The following POU2F1 variants were observed in gnomAD, a reference collection of about 807,000 sequenced individuals.
POU2F1 encodes POU domain, class 2, transcription factor 1.
A neutral mutation model predicts 84.9 loss-of-function variants in POU2F1; 16 were observed. The observed-to-expected ratio is 0.19, with a 90% CI of 0.13 to 0.29. The LOEUF (loss-of-function observed/expected upper bound fraction) is 0.29, where lower values mean the gene tolerates loss of function less well. Among genes scored for constraint, POU2F1 ranks in the 10% least tolerant of loss-of-function variants. The probability of loss-of-function intolerance (pLI) is 1.00; values close to 1 mark genes in which losing one functional copy is unlikely to be tolerated. For missense variants in POU2F1, 738 were observed against 942.6 expected (o/e 0.78, Z 2.84); for synonymous variants, 368 against 368.3 (o/e 1.00, Z 0.01).
chr1:167,412,328 C>G, intron 14 of POU2F1, 24 bp downstream of exon 14: 3 of 1,505,440 alleles, frequency 2.0e-6, no homozygotes, highest in Non-Finnish European at 2.7e-6. Flanking sequence ...TCATCTCATT[C>G]ACGTCTGAGG....
intron 5 of POU2F1, among the ~76,000 whole-genome samples, chr1:167,373,821 C>CT (rs796133825): frequency 5.6e-4 from 81 of 145,446 alleles, no homozygotes; most frequent in Middle Eastern, 3.5e-3. Context: ...AGTGGTGATT[C>CT]TTTTTTTTTT....
At chr1:167,318,593 A>G (rs1299061994) in intron 1 of POU2F1, among the ~76,000 whole-genome samples, 3 of 152,214 alleles carry the variant, frequency 2.0e-5, no homozygotes, top group Admixed American at 1.3e-4. Context: ...TTATTATGGT[A>G]AATACTGAGA....
At chr1:167,343,632 A>ATTTTT (rs869170039) in intron 2 of POU2F1, among the ~76,000 whole-genome samples, 10 of 69,396 alleles carry the variant, frequency 1.4e-4, no homozygotes, top group East Asian at 5.1e-4. Flanking sequence ...CCAGGGGTCA[A>ATTTTT]TTTTTTTTTT....
chr1:167,262,100 A>G (rs978100687), intron 1 of POU2F1, among the ~76,000 whole-genome samples: 14 of 152,198 alleles, frequency 9.2e-5, no homozygotes, highest in African/African-American at 3.4e-4. Context: ...TTTTATACTT[A>G]TTTTTAATCA....
chr1:167,379,863 T>G (rs1034162284), intron 7 of POU2F1: 3 of 152,232 alleles, frequency 2.0e-5, no homozygotes, highest in African/African-American at 7.2e-5. Flanking sequence ...AATAATGAAT[T>G]ACTGTTCATT....
chr1:167,423,957 G>C lies in POU2F1; in HGVS notation c.*8147G>C, dbSNP rs893891457. The C allele has an allele frequency of 2.0e-5, 3 of 152,224 alleles. No homozygotes were observed. The highest frequency in any genetic ancestry group is 7.2e-5 in the African/African-American group (3 of 41,458). 9.4% of individuals were successfully genotyped at this position (152,224 alleles called of 1,614,324 possible). A position where few individuals can be genotyped will look rare whatever the true frequency, so the allele number is the denominator to read the frequency against. ...TTGGGATCTCTTTCAAATGAAAAAG[G>C]ACAGAGCCAAGTAGAGAAAAGACTT... On this transcript the variant is annotated 3_prime_UTR_variant, in exon 16 of 16. Transcript: ENST00000367866.
intron 1 of POU2F1, among the ~76,000 whole-genome samples, chr1:167,304,744 T>A (rs1336670916): frequency 1.3e-5 from 2 of 152,218 alleles, no homozygotes. Context: ...TATGTTGAAG[T>A]TCAAGTAAAC....
At chr1:167,399,895 G>A (rs188762690) in intron 12 of POU2F1, among the ~76,000 whole-genome samples, 1 of 148,468 alleles carries the variant, frequency 6.7e-6, no homozygotes, top group Non-Finnish European at 1.5e-5. Flanking sequence ...GGCTGGTCTT[G>A]AACTCCTGAC....
chr1:167,320,197 A>G (rs1302109328), intron 1 of POU2F1, among the ~76,000 whole-genome samples: 1 of 152,216 alleles, frequency 6.6e-6, no homozygotes, highest in Non-Finnish European at 1.5e-5. Flanking sequence ...TGAACCACAT[A>G]TGAAGAATCA....
At chr1:167,265,987 T>G (rs990907826) in intron 1 of POU2F1, among the ~76,000 whole-genome samples, 1 of 152,256 alleles carries the variant, frequency 6.6e-6, no homozygotes, top group African/African-American at 2.4e-5. Flanking sequence ...CAACTTGTTG[T>G]GTATACAAGG....
rs1659789560 is a variant in POU2F1 at position 167,367,962 on chromosome 1, A to C, written c.229-2199A>C. Among the ~76,000 whole-genome samples, 5 of 152,286 alleles carry C rather than the reference A, an allele frequency of 3.3e-5. No individual in the cohort carries two copies. The South Asian group carries it at 1.0e-3, about 32-fold the overall frequency. On this transcript the variant is annotated intron_variant, in intron 3 of 15. Transcript: ENST00000367866. ...AACCCCTTTGAAAGTTGCAGACATT[A>C]TAACCATTTACTTCTAAATACTTCA...
At chr1:167,345,722 A>G (rs1416021056) in intron 2 of POU2F1, among the ~76,000 whole-genome samples, 2 of 152,204 alleles carry the variant, frequency 1.3e-5, no homozygotes, top group African/African-American at 2.4e-5. Context: ...AAAAATATTA[A>G]TAAGATTTTA....
intron 2 of POU2F1, among the ~76,000 whole-genome samples, chr1:167,360,254 T>A (rs1659267410): frequency 2.0e-5 from 3 of 152,212 alleles, no homozygotes; most frequent in Non-Finnish European, 1.5e-5. Flanking sequence ...TTTGAGTAGT[T>A]AGTCATAAAT....
At chr1:167,267,201 G>A (rs1383116028) in intron 1 of POU2F1, among the ~76,000 whole-genome samples, 1 of 151,678 alleles carries the variant, frequency 6.6e-6, no homozygotes, top group Non-Finnish European at 1.5e-5. Context: ...ATTAAATGGG[G>A]TGGGGGGAAG....
intron 1 of POU2F1, among the ~76,000 whole-genome samples, chr1:167,324,594 A>C (rs1292064267): frequency 3.3e-5 from 5 of 152,132 alleles, no homozygotes; most frequent in African/African-American, 1.2e-4. Flanking sequence ...TGGGATAAGA[A>C]TTTTTACATA....
chr1:167,410,307 C>T (rs1316788291), intron 13 of POU2F1, among the ~76,000 whole-genome samples: 1 of 152,140 alleles, frequency 6.6e-6, no homozygotes, highest in Non-Finnish European at 1.5e-5. Flanking sequence ...TAAATGATGT[C>T]TGAGTCTCTC....
chr1:167,309,929 T>G lies in POU2F1; in HGVS notation c.62-22541T>G, dbSNP rs567339560. Among the ~76,000 whole-genome samples, 3 of 152,286 alleles carry G rather than the reference T, an allele frequency of 2.0e-5. No homozygotes were observed. The South Asian group carries it at 6.2e-4, about 32-fold the overall frequency. Reference sequence around the variant, plus strand: ...TCATTTATGAAGAACAATAAGGACTTTTTACTGTTTTTAAGTCAATTCTGG... The same window carrying G: ...TCATTTATGAAGAACAATAAGGACTGTTTACTGTTTTTAAGTCAATTCTGG... On this transcript the variant is annotated intron_variant, in intron 1 of 15. Coordinates refer to ENST00000367866, the MANE Select transcript of POU2F1 (RefSeq NM_002697.4).
At chr1:167,249,761 A>C (rs946956527) in intron 1 of POU2F1, among the ~76,000 whole-genome samples, 1 of 152,198 alleles carries the variant, frequency 6.6e-6, no homozygotes, top group Admixed American at 6.5e-5. Context: ...AACTGTCCTG[A>C]GTGATACATT....
intron 2 of POU2F1, among the ~76,000 whole-genome samples, chr1:167,347,413 C>T (rs1474902088): frequency 1.3e-5 from 2 of 152,160 alleles, no homozygotes; most frequent in African/African-American, 2.4e-5. Flanking sequence ...CATTTCATAA[C>T]AGATCATAAG....
Sources: gnomAD v4.1 joint callset for allele counts (sites outside exome capture counted in the v4.1 genomes callset) on GRCh38, gnomAD v4.1.1 for gene constraint, MANE v1.5 for transcripts, NCBI Gene and HGNC (gene_info 2026-07-23, HGNC 2026-07-21) for gene names.